GGA3: variants seen among roughly 807,000 people sequenced by gnomAD.
GGA3 encodes the protein golgi associated, gamma adaptin ear containing, ARF binding protein 3.
GGA3 carries 57 observed loss-of-function variants against 77.5 expected under a neutral mutation model. The observed-to-expected ratio is 0.74, with a 90% CI of 0.59 to 0.92. GGA3 has a LOEUF of 0.92. Among genes scored for constraint, GGA3 ranks in the 40% least tolerant of loss-of-function variants. GGA3 has a pLI of 0.00. For missense variants in GGA3, 970 were observed against 914.9 expected (o/e 1.06, Z -0.78); for synonymous variants, 416 against 383.7 (o/e 1.08, Z -0.98).
At chr17:75,262,012 G>GA, upstream of GGA3, 1 of 1,599,658 alleles carries the variant, frequency 6.3e-7, no homozygotes, top group Non-Finnish European at 8.5e-7. Flanking sequence ...GCGGCGGGGG[G>GA]GCGCTGCGAG....
At chr17:75,261,618 A>T, upstream of GGA3, 2 of 1,527,964 alleles carry the variant, frequency 1.3e-6, no homozygotes, top group Non-Finnish European at 1.8e-6. Context: ...CGGCTTCAAA[A>T]CTCGCGAGAG....
chr17:75,239,837 G>C lies in GGA3; in HGVS notation c.1535C>G (p.Ala512Gly). ...ATCGAGGGCATCCAGGTGGTGCAGCGCGCTGTTGCCCAACGCCAAGCCATG... is the reference window on the plus strand; with the variant it reads ...ATCGAGGGCATCCAGGTGGTGCAGCCCGCTGTTGCCCAACGCCAAGCCATG... The part of the protein sequence containing the change: ...GHHGLALGNS[A>G]LHHLDALDQL... Residue 512 changes from alanine to glycine, a missense_variant, in exon 13 of 17, where the codon GCG (alanine) becomes GGG (glycine). Physicochemically the swap from Ala to Gly is moderately conservative, Grantham distance 60. Transcript: ENST00000537686. 1 of 1,613,994 alleles carries C rather than the reference G, an allele frequency of 6.2e-7. No homozygotes were observed. The highest frequency in any genetic ancestry group is 1.1e-5 in the South Asian group (1 of 91,090).
chr17:75,261,906 T>C (rs1211405579), upstream of GGA3: 1 of 1,608,688 alleles, frequency 6.2e-7, no homozygotes, highest in Admixed American at 1.7e-5. Context: ...CCAAGATGGC[T>C]GCCCCCGCAG....
At chr17:75,242,496 G>C (rs2076595836) in intron 7 of GGA3, 23 bp from the exon 8 acceptor site, 1 of 1,613,888 alleles carries the variant, frequency 6.2e-7, no homozygotes, top group Non-Finnish European at 8.5e-7. Flanking sequence ...AGAAGTTCAA[G>C]AGAAAGAGAG....
chr17:75,261,465 G>T, intron 1 of GGA3, 83 bp downstream of exon 1: 1 of 1,151,492 alleles, frequency 8.7e-7, no homozygotes, highest in Non-Finnish European at 1.2e-6. Flanking sequence ...GCGACGCCGT[G>T]GAGCCCGGGG....
rs139198643 is a variant in GGA3, at chr17:75,244,860, C to CCCCG, written c.202-144_202-143insCGGG. 906 of 652,402 alleles carry CCCCG rather than the reference C, an allele frequency of 1.4e-3. 6 individuals carry two copies. In the African/African-American group the frequency reaches 0.015, roughly 11 times the overall value. 40.4% of individuals were successfully genotyped at this position (652,402 alleles called of 1,614,324 possible). ...CATCACGAAAAGCAGTGTGCACTGC[C>CCCCG]CGGGGACAGTGTAATTAAGCAACGA... On this transcript the variant is annotated intron_variant, in intron 3 of 16. Coordinates refer to ENST00000537686, the MANE Select transcript of GGA3 (RefSeq NM_138619.4).
At chr17:75,254,666 C>T (rs112239289) in intron 1 of GGA3, among the ~76,000 whole-genome samples, 5 of 152,170 alleles carry the variant, frequency 3.3e-5, no homozygotes, top group South Asian at 2.1e-4. Flanking sequence ...TAATTAACCT[C>T]GCCTTCAAGG....
At chr17:75,239,146 G>A (rs528008009) in intron 14 of GGA3, 63 bp from the exon 15 acceptor site, 22 of 1,483,674 alleles carry the variant, frequency 1.5e-5, no homozygotes, top group East Asian at 7.0e-5. Flanking sequence ...GAGCCCCGGC[G>A]GTGAGGAGAA....
At chr17:75,240,776 T>C (rs751686633) in intron 11 of GGA3, 36 bp downstream of exon 11, 2 of 1,577,124 alleles carry the variant, frequency 1.3e-6, no homozygotes, top group Non-Finnish European at 1.7e-6. Flanking sequence ...CAGAGCCCTG[T>C]CAGGGGATGC....
At chr17:75,240,300 G>A (rs777720823) in intron 12 of GGA3, 42 bp downstream of exon 12, 2 of 1,392,788 alleles carry the variant, frequency 1.4e-6, no homozygotes, top group Non-Finnish European at 2.0e-6. Context: ...GAAAGTGGAG[G>A]TCCTTGGCAC....
At chr17:75,244,324 T>G in intron 4 of GGA3, 1 of 304,836 alleles carries the variant, frequency 3.3e-6, no homozygotes, top group Non-Finnish European at 6.3e-6. Context: ...AACCCACAAC[T>G]GCCATGTGCC....
rs145396768 is a variant in GGA3, at chr17:75,239,042, G to A, written c.1822C>T (p.Arg608Cys). Residue 608 changes from arginine to cysteine, a missense_variant, in exon 15 of 17, where the codon CGC becomes TGC. Coordinates refer to ENST00000537686, the MANE Select transcript of GGA3 (RefSeq NM_138619.4). Reference protein sequence around the residue: ...PVTAYDKNGFRILFHFAKECP... With the variant: ...PVTAYDKNGFCILFHFAKECP... ...TCCTTGGCAAAGTGGAAGAGGATGCGGAAGCCGTTTTTATCGTAGGCTGTC... is the reference window on the plus strand; with the variant it reads ...TCCTTGGCAAAGTGGAAGAGGATGCAGAAGCCGTTTTTATCGTAGGCTGTC... 1,620 of 1,613,890 alleles carry A rather than the reference G, an allele frequency of 1.0e-3. No individual in the cohort carries two copies. Among genetic ancestry groups the A allele is most frequent in the Non-Finnish European group, 1.2e-3 (1,425 of 1,179,974 alleles).
chr17:75,254,468 T>C (rs955199045), intron 1 of GGA3, among the ~76,000 whole-genome samples: 1 of 152,100 alleles, frequency 6.6e-6, no homozygotes, highest in South Asian at 2.1e-4. Context: ...CTCTTTTTCA[T>C]CAAATATAAA....
At position 75,237,468 on chromosome 17, in the gene GGA3, G is replaced by T; in HGVS notation, c.*811C>A. 1 of 1,533,946 alleles carries T rather than the reference G, an allele frequency of 6.5e-7. No individual in the cohort carries two copies. Among genetic ancestry groups the T allele is most frequent in the Non-Finnish European group, 8.7e-7 (1 of 1,144,942 alleles). Reference sequence around the variant, plus strand: ...TTTATTTCATGCCAAGCAAGAGGTAGTCAGTAGGATGGCCTGTCCCCACGG... The same window carrying T: ...TTTATTTCATGCCAAGCAAGAGGTATTCAGTAGGATGGCCTGTCCCCACGG... On this transcript the variant is annotated 3_prime_UTR_variant, in exon 17 of 17. Coordinates refer to ENST00000537686, the MANE Select transcript of GGA3 (RefSeq NM_138619.4).
chr17:75,241,669 T>C lies in GGA3; in HGVS notation c.775A>G (p.Arg259Gly), dbSNP rs755985977. 6.2e-7 allele frequency: 1 copy of C among 1,614,132 alleles called. No homozygotes were observed. The highest frequency in any genetic ancestry group is 8.5e-7 in the Non-Finnish European group (1 of 1,179,964). The part of the protein sequence containing the change: ...KELFDQCENK[R>G]RTLFKLASET... ...CTGGCGAGTTTAAATAAAGTCCGCC[T>C]CTTGTTCTCACACTGATCAAACAGC... The change falls in exon 9 of 17, where the codon AGG becomes GGG. Residue 259 changes from arginine to glycine, a missense_variant. Transcript: ENST00000537686.
intron 1 of GGA3, among the ~76,000 whole-genome samples, chr17:75,256,188 T>C (rs2077145678): frequency 6.6e-6 from 1 of 152,160 alleles, no homozygotes; most frequent in Non-Finnish European, 1.5e-5. Flanking sequence ...TTGACCTTAC[T>C]GTTTTAGCCT....
chr17:75,239,141 C>G, intron 14 of GGA3, 58 bp from the exon 15 acceptor site: 1 of 1,519,794 alleles, frequency 6.6e-7, no homozygotes, highest in Non-Finnish European at 9.0e-7. Flanking sequence ...CAACAGAGCC[C>G]CGGCGGTGAG....
upstream of GGA3, chr17:75,261,897 C>G (rs1271632296): frequency 1.2e-6 from 2 of 1,608,284 alleles, no homozygotes; most frequent in African/African-American, 2.7e-5. Context: ...CGTGGCCAGC[C>G]AAGATGGCTG....
At chr17:75,242,776 G>T in intron 7 of GGA3, 55 bp downstream of exon 7, 2 of 1,390,804 alleles carry the variant, frequency 1.4e-6, no homozygotes, top group Non-Finnish European at 2.0e-6. Context: ...AGCGGCTTCT[G>T]CTGTGTGGCC....
Sources: gnomAD v4.1 joint callset for allele counts (sites outside exome capture counted in the v4.1 genomes callset) on GRCh38, gnomAD v4.1.1 for gene constraint, MANE v1.5 for transcripts, NCBI Gene and HGNC (gene_info 2026-07-23, HGNC 2026-07-21) for gene names.